The following CTNNA3 variants were observed in gnomAD, a reference collection of about 807,000 sequenced individuals.
The protein encoded by CTNNA3 is catenin alpha 3, also known as catenin alpha-3.
A neutral mutation model predicts 95.7 loss-of-function variants in CTNNA3; 76 were observed. That is an observed-to-expected ratio of 0.79 (90% CI 0.66 to 0.96). CTNNA3 has a LOEUF of 0.96. Among genes scored for constraint, CTNNA3 ranks in the 40% least tolerant of loss-of-function variants. The pLI is 0.00. For missense variants in CTNNA3, 1,191 were observed against 1,089.8 expected (o/e 1.09, Z -1.31); for synonymous variants, 431 against 374.4 (o/e 1.15, Z -1.74).
chr10:67,107,221 T>C (rs1294551940), intron 7 of CTNNA3, among the ~76,000 whole-genome samples: 1 of 152,232 alleles, frequency 6.6e-6, no homozygotes, highest in Non-Finnish European at 1.5e-5. Context: ...AGGCTCAATT[T>C]TTGTCCTGAT....
At chr10:66,009,026 G>A (rs955319239) in intron 15 of CTNNA3, among the ~76,000 whole-genome samples, 2 of 152,070 alleles carry the variant, frequency 1.3e-5, no homozygotes, top group African/African-American at 4.8e-5. Context: ...CTTGAACCCT[G>A]GAGGCGGAGG....
chr10:66,177,291 A>G (rs1330393700), intron 13 of CTNNA3, among the ~76,000 whole-genome samples: 5 of 152,088 alleles, frequency 3.3e-5, no homozygotes, highest in African/African-American at 1.2e-4. Context: ...CTGGATTTTA[A>G]GGTTAGAAGC....
At chr10:66,447,531 A>T (rs1349570334) in intron 11 of CTNNA3, among the ~76,000 whole-genome samples, 4 of 150,930 alleles carry the variant, frequency 2.7e-5, no homozygotes, top group Non-Finnish European at 5.9e-5. Flanking sequence ...CATATCTACA[A>T]CCCTCTGATC....
chr10:65,989,890 C>T (rs1473511324), intron 15 of CTNNA3, among the ~76,000 whole-genome samples: 1 of 152,088 alleles, frequency 6.6e-6, no homozygotes. Flanking sequence ...CATGCCAAGC[C>T]TCAGATAACT....
At chr10:66,855,780 A>T (rs891633269) in intron 7 of CTNNA3, among the ~76,000 whole-genome samples, 5 of 152,040 alleles carry the variant, frequency 3.3e-5, no homozygotes, top group African/African-American at 1.2e-4. Context: ...TCATGTTCTT[A>T]AGGGTTATAG....
chr10:67,447,535 C>G (rs1846801098), intron 5 of CTNNA3, among the ~76,000 whole-genome samples: 1 of 152,184 alleles, frequency 6.6e-6, no homozygotes, highest in African/African-American at 2.4e-5. Context: ...CACCTTTGTT[C>G]TGCACATATC....
At chr10:66,219,043 T>G (rs1323896202) in intron 13 of CTNNA3, among the ~76,000 whole-genome samples, 1 of 152,186 alleles carries the variant, frequency 6.6e-6, no homozygotes. Flanking sequence ...CGTATGTTGG[T>G]TATGTGGGAA....
rs1299577268 is a variant in CTNNA3 at position 67,581,679 on chromosome 10, T to A, written c.292+25178A>T. On this transcript the variant is annotated intron_variant, in intron 3 of 17. Coordinates refer to ENST00000433211, the MANE Select transcript of CTNNA3 (RefSeq NM_013266.4). ...CTCTGGTAGAATTCGGCTGTGAATCTGCCTGGTCCTGGACTTTTTTTGTTT... is the reference window on the plus strand; with the variant it reads ...CTCTGGTAGAATTCGGCTGTGAATCAGCCTGGTCCTGGACTTTTTTTGTTT... 1.3e-5 allele frequency among the ~76,000 whole-genome samples: 2 copies of A among 152,150 alleles called. 1 individual carries two copies. The highest frequency in any genetic ancestry group is 2.9e-5 in the Non-Finnish European group (2 of 68,014).
At chr10:66,893,664 C>T (rs1589385200) in intron 7 of CTNNA3, among the ~76,000 whole-genome samples, 2 of 152,016 alleles carry the variant, frequency 1.3e-5, no homozygotes, top group East Asian at 3.9e-4. Context: ...TTTACTCTGT[C>T]CAGCAAATCA....
At chr10:66,162,811 G>A (rs924266683) in intron 13 of CTNNA3, among the ~76,000 whole-genome samples, 2 of 151,914 alleles carry the variant, frequency 1.3e-5, no homozygotes, top group Admixed American at 1.3e-4. Flanking sequence ...ACTAGGGTGA[G>A]TAGGGAAGGA....
At chr10:66,004,181 A>G (rs2078832659) in intron 15 of CTNNA3, among the ~76,000 whole-genome samples, 1 of 152,224 alleles carries the variant, frequency 6.6e-6, no homozygotes, top group Admixed American at 6.5e-5. Flanking sequence ...AAGCACTGAA[A>G]TTCGACGGGT....
intron 2 of CTNNA3, among the ~76,000 whole-genome samples, chr10:67,616,251 T>G (rs1026672686): frequency 2.0e-5 from 3 of 152,190 alleles, no homozygotes; most frequent in Non-Finnish European, 4.4e-5. Context: ...AGATCACCAC[T>G]AATGCTCTCA....
intron 1 of CTNNA3, among the ~76,000 whole-genome samples, chr10:67,694,987 T>G (rs1458634348): frequency 6.6e-6 from 1 of 152,198 alleles, no homozygotes; most frequent in African/African-American, 2.4e-5. Flanking sequence ...TGTCCTATGG[T>G]TCTACTGAGA....
At chr10:67,188,790 C>T (rs1862984448) in intron 6 of CTNNA3, among the ~76,000 whole-genome samples, 1 of 152,018 alleles carries the variant, frequency 6.6e-6, no homozygotes, top group Non-Finnish European at 1.5e-5. Flanking sequence ...AGTATATATG[C>T]AATGGAATAC....
At chr10:66,486,818 TACACACAC>T in intron 11 of CTNNA3, among the ~76,000 whole-genome samples, 1 of 140,888 alleles carries the variant, frequency 7.1e-6, no homozygotes, top group African/African-American at 2.6e-5. Flanking sequence ...GATGAACAAA[TACACACAC>T]ACACACACAC....
intron 5 of CTNNA3, among the ~76,000 whole-genome samples, chr10:67,237,126 GTATATATATATATATATATATA>G (rs59511861): frequency 2.8e-4 from 11 of 39,876 alleles, no homozygotes; most frequent in African/African-American, 1.1e-3. Context: ...TATGGTGTAT[GTATATATATATATATATATATA>G]TATATATATA....
intron 7 of CTNNA3, among the ~76,000 whole-genome samples, chr10:67,120,917 G>T (rs1185180813): frequency 2.6e-5 from 4 of 152,020 alleles, no homozygotes; most frequent in Admixed American, 1.3e-4. Flanking sequence ...AATAAAGCAT[G>T]CCCATTGCTG....
intron 7 of CTNNA3, among the ~76,000 whole-genome samples, chr10:66,900,156 G>A (rs1166589589): frequency 1.3e-5 from 2 of 152,076 alleles, no homozygotes; most frequent in African/African-American, 2.4e-5. Context: ...CCAGAGGAAG[G>A]ATCAGGCAGT....
At chr10:67,209,769 G>C (rs1181883106) in intron 6 of CTNNA3, among the ~76,000 whole-genome samples, 3 of 149,724 alleles carry the variant, frequency 2.0e-5, no homozygotes, top group Non-Finnish European at 3.0e-5. Context: ...ACTTCTAGTA[G>C]TATAAGGCAA....
Sources: gnomAD v4.1 joint callset for allele counts (sites outside exome capture counted in the v4.1 genomes callset) on GRCh38, gnomAD v4.1.1 for gene constraint, MANE v1.5 for transcripts, NCBI Gene and HGNC (gene_info 2026-07-23, HGNC 2026-07-21) for gene names.